NR5A2: variants seen among roughly 807,000 people sequenced by gnomAD.
The protein encoded by NR5A2 is CYP7A promoter-binding factor.
In NR5A2, 26 loss-of-function variants were observed where a neutral mutation model predicts 62.7. The observed-to-expected ratio is 0.41, with a 90% CI of 0.30 to 0.58. The LOEUF is 0.58. Ranked by LOEUF, NR5A2 falls within the 20% of genes least tolerant of loss-of-function variation. NR5A2 has a pLI of 0.22. For missense variants in NR5A2, 541 were observed against 669.1 expected, an observed-to-expected ratio of 0.81 and a Z score of 2.11; for synonymous variants, 246 against 241.7, an observed-to-expected ratio of 1.02 and a Z score of -0.16.
chr1:200,091,012 C>G (rs1664792179), intron 5 of NR5A2, among the ~76,000 whole-genome samples: 1 of 152,196 alleles, frequency 6.6e-6, no homozygotes, highest in African/African-American at 2.4e-5. Context: ...ATTCATTCTT[C>G]TGAGATCAAT....
At chr1:200,144,258 C>T (rs1667586945) in intron 7 of NR5A2, among the ~76,000 whole-genome samples, 1 of 151,592 alleles carries the variant, frequency 6.6e-6, no homozygotes, top group Non-Finnish European at 1.5e-5. Context: ...CACACACACA[C>T]ACACACACAC....
intron 7 of NR5A2, among the ~76,000 whole-genome samples, chr1:200,163,620 T>C (rs1483568469): frequency 6.6e-6 from 1 of 152,058 alleles, no homozygotes; most frequent in Non-Finnish European, 1.5e-5. Flanking sequence ...TAGCTGAGAC[T>C]ATAGGCGCAG....
intron 5 of NR5A2, among the ~76,000 whole-genome samples, chr1:200,061,344 T>C: frequency 6.8e-6 from 1 of 147,782 alleles, no homozygotes; most frequent in Middle Eastern, 3.3e-3. Flanking sequence ...AATGGCGTGA[T>C]CTTGGCTCAC....
At position 200,147,822 on chromosome 1, in the gene NR5A2, C is replaced by T. The variant is rs1667782478; in HGVS notation, c.1379-26141C>T. 4.2e-6 allele frequency: 2 copies of T among 480,922 alleles called. No homozygotes were observed. Among genetic ancestry groups the T allele is most frequent in the South Asian group, 2.1e-5 (1 of 48,334 alleles). The allele number at this position is 480,922 out of a possible 1,614,324, so 29.8% of individuals were successfully genotyped here. On this transcript the variant is annotated intron_variant, in intron 7 of 7. Coordinates refer to ENST00000367362, the MANE Select transcript of NR5A2 (RefSeq NM_205860.3). This position sits in a 1 kb window ranked among gnomAD's most constrained non-coding sequence, Gnocchi z 4.9. ...CCGCCGTGGCGTCCAGCACCAGGTCCTGGCTGCAGCCATTGGTGAGCAGTA... is the reference window on the plus strand; with the variant it reads ...CCGCCGTGGCGTCCAGCACCAGGTCTTGGCTGCAGCCATTGGTGAGCAGTA...
chr1:200,048,791 G>C lies in NR5A2; in HGVS notation c.1083G>C (p.Arg361Ser), dbSNP rs1662502504. ...QTLFSIVEWA[R>S]SSIFFRELKV... ...TCTTCTCCATTGTCGAGTGGGCCAG[G>C]AGTAGTATCTTCTTCAGAGAACTTA... Residue 361 changes from arginine to serine, a missense_variant, in exon 5 of 8, where the codon AGG becomes AGC. This residue lies in a region of NR5A2 where 379 missense variants were observed against 442.0 expected (regional missense o/e 0.86). Coordinates refer to ENST00000367362, the MANE Select transcript of NR5A2 (RefSeq NM_205860.3). The surrounding 1 kb of genome is among the most constrained non-coding windows in gnomAD (Gnocchi z 4.8). The C allele has an allele frequency of 6.2e-7, 1 of 1,614,024 alleles. No individual in the cohort carries two copies. Among genetic ancestry groups the C allele is most frequent in the African/African-American group, 1.3e-5 (1 of 74,918 alleles).
intron 5 of NR5A2, among the ~76,000 whole-genome samples, chr1:200,053,569 G>GCGCACACACACACACACA (rs374944913): frequency 1.9e-4 from 27 of 142,102 alleles, no homozygotes; most frequent in African/African-American, 4.5e-4. Flanking sequence ...GCATGCACAC[G>GCGCACACACACACACACA]CACACACACA....
chr1:200,073,120 CAT>C (rs1217776532), intron 5 of NR5A2, among the ~76,000 whole-genome samples: 4 of 151,648 alleles, frequency 2.6e-5, no homozygotes, highest in Non-Finnish European at 2.9e-5. Context: ...GATCAGTTAA[CAT>C]AGTTGAAACT....
At chr1:200,123,303 G>A (rs1666557993) in intron 7 of NR5A2, among the ~76,000 whole-genome samples, 2 of 152,210 alleles carry the variant, frequency 1.3e-5, no homozygotes, top group Admixed American at 6.5e-5. Context: ...GAGAGAAGGT[G>A]GGATGTGGTC....
intron 7 of NR5A2, among the ~76,000 whole-genome samples, chr1:200,140,216 T>A (rs113779626): frequency 0.022 from 3,273 of 151,920 alleles, 108 homozygotes; most frequent in African/African-American, 0.069. Context: ...TTTCTTTTAT[T>A]ATTATCGTGT....
At chr1:200,111,881 T>C (rs1160298419) in intron 6 of NR5A2, among the ~76,000 whole-genome samples, 2 of 152,186 alleles carry the variant, frequency 1.3e-5, no homozygotes, top group Admixed American at 6.5e-5. Context: ...AGATGTTTGT[T>C]CGATCAACAA....
chr1:200,155,759 C>T (rs1653352572), intron 7 of NR5A2, among the ~76,000 whole-genome samples: 1 of 151,972 alleles, frequency 6.6e-6, no homozygotes, highest in South Asian at 2.1e-4. Flanking sequence ...CTGCAACCTC[C>T]ACCTTTTGGG....
In NR5A2 at chr1:200,133,602, CACATATAT is replaced by C. The variant is rs1571533410; in HGVS notation, c.1378+12651_1378+12658del. 1.2e-4 allele frequency among the ~76,000 whole-genome samples: 11 copies of C among 94,690 alleles called. No homozygotes were observed. In the East Asian group the frequency reaches 4.0e-3, roughly 34 times the overall value. 62.1% of individuals were successfully genotyped at this position (94,690 alleles called of 152,430 possible). A position where few individuals can be genotyped will look rare whatever the true frequency, so the allele number is the denominator to read the frequency against. ...ATATATATACACATATATATATATA[CACATATAT>C]ACACACACACACACACGTATATATG... On this transcript the variant is annotated intron_variant, in intron 7 of 7. Transcript: ENST00000367362.
At chr1:200,120,069 C>T (rs1387273907) in intron 6 of NR5A2, among the ~76,000 whole-genome samples, 2 of 152,076 alleles carry the variant, frequency 1.3e-5, no homozygotes, top group African/African-American at 2.4e-5. Context: ...AGTTTTATGT[C>T]ATGCTTTTTA....
intron 5 of NR5A2, among the ~76,000 whole-genome samples, chr1:200,069,579 A>G (rs1325487466): frequency 6.6e-6 from 1 of 152,168 alleles, no homozygotes; most frequent in Non-Finnish European, 1.5e-5. Context: ...TACAATAGCA[A>G]TATAGTATTG....
intron 7 of NR5A2, among the ~76,000 whole-genome samples, chr1:200,156,415 T>G (rs1391821666): frequency 1.3e-5 from 2 of 152,232 alleles, no homozygotes; most frequent in African/African-American, 4.8e-5. Context: ...CTGGTTTTTC[T>G]GAGACGGAGT....
rs76087199 is a variant in NR5A2, at chr1:200,155,126, C to A, written c.1379-18837C>A. On this transcript the variant is annotated intron_variant, in intron 7 of 7. Coordinates refer to ENST00000367362, the MANE Select transcript of NR5A2 (RefSeq NM_205860.3). ...GAACAGTGAGAGTAAGTACTAGGCT[C>A]TTATCCCACTTCCACCACCAACCAA... is the stretch of plus-strand genomic sequence containing the variant. Among the ~76,000 whole-genome samples, 771 of 152,294 alleles carry A rather than the reference C, an allele frequency of 5.1e-3. 10 individuals carry two copies. The highest frequency in any genetic ancestry group is 0.018 in the African/African-American group (735 of 41,548).
chr1:200,074,741 A>AAAAAAAAAAAAAAAAAAC, intron 5 of NR5A2, among the ~76,000 whole-genome samples: 1 of 76,150 alleles, frequency 1.3e-5, no homozygotes, highest in Non-Finnish European at 2.9e-5. Flanking sequence ...CATCTCAAAA[A>AAAAAAAAAAAAAAAAAAC]AAAAAAAAAA....
intron 7 of NR5A2, among the ~76,000 whole-genome samples, chr1:200,130,552 G>T (rs576505426): frequency 6.6e-6 from 1 of 152,274 alleles, no homozygotes; most frequent in East Asian, 1.9e-4. Context: ...CAGAAGGGTG[G>T]AAAACTAGTA....
intron 4 of NR5A2, among the ~76,000 whole-genome samples, chr1:200,047,190 G>A (rs1445263503): frequency 2.0e-5 from 3 of 152,164 alleles, no homozygotes; most frequent in Non-Finnish European, 4.4e-5. Flanking sequence ...ATTAGTCATG[G>A]CCGCAGACTC....
Sources: gnomAD v4.1 joint callset for allele counts (sites outside exome capture counted in the v4.1 genomes callset) on GRCh38, gnomAD v4.1.1 for gene constraint, gnomAD v4.1.1 regional missense constraint, Gnocchi (gnomAD v3.1) non-coding constraint, MANE v1.5 for transcripts, NCBI Gene and HGNC (gene_info 2026-07-23, HGNC 2026-07-21) for gene names.